The following ZNF616 variants were observed in gnomAD, a reference collection of about 807,000 sequenced individuals.
ZNF616 encodes zinc finger protein 616.
In ZNF616, 5 loss-of-function variants were observed where a neutral mutation model predicts 7.6. The observed-to-expected ratio is 0.66, with a 90% CI of 0.34 to 1.38. The LOEUF (loss-of-function observed/expected upper bound fraction) is 1.38. ZNF616 is among the 40% of genes most tolerant of loss of function. The pLI, the probability that ZNF616 is intolerant of heterozygous loss-of-function variation, is 0.04. For missense variants in ZNF616, 913 were observed against 948.3 expected (o/e 0.96, Z 0.49); for synonymous variants, 319 against 317.2 (o/e 1.01, Z -0.06).
At chr19:52,136,996 G>A (rs1160827764) in intron 1 of ZNF616, among the ~76,000 whole-genome samples, 1 of 150,690 alleles carries the variant, frequency 6.6e-6, no homozygotes, top group African/African-American at 2.5e-5. Flanking sequence ...CAACCAAAGT[G>A]CCCATCCAGG....
At chr19:52,132,203 G>C (rs117809591) in intron 1 of ZNF616, among the ~76,000 whole-genome samples, 1 of 152,244 alleles carries the variant, frequency 6.6e-6, no homozygotes, top group East Asian at 1.9e-4. Context: ...TGTAAAGCTA[G>C]AGCCAGGAAG....
At position 52,114,560 on chromosome 19, in the gene ZNF616, A is replaced by C; in HGVS notation, c.*258T>G. ...TATTTCACATGGTGAGAATGAGGGC[A>C]AGCGACAGGGAAGTGCTATGCACTT... On this transcript the variant is annotated 3_prime_UTR_variant, in exon 4 of 4. Transcript: ENST00000600228. The C allele has an allele frequency of 2.7e-6, 1 of 367,984 alleles. No homozygotes were observed. The highest frequency in any genetic ancestry group is 4.9e-6 in the Non-Finnish European group (1 of 205,092). The allele number at this position is 367,984 out of a possible 1,614,324, so 22.8% of individuals were successfully genotyped here.
At position 52,116,104 on chromosome 19, in the gene ZNF616, T is replaced by C. The variant is rs1219625752; in HGVS notation, c.1060A>G (p.Lys354Glu). 6.2e-7 allele frequency: 1 copy of C among 1,613,344 alleles called. No homozygotes were observed. The highest frequency in any genetic ancestry group is 2.2e-5 in the East Asian group (1 of 44,808). ...QVIHAGKKPYKCDVCGKAFRH... is the reference protein window; with the variant it reads ...QVIHAGKKPYECDVCGKAFRH... ...AATGCCTTGCCACATACATCACATT[T>C]ATATGGTTTCTTTCCTGCATGGATT... Residue 354 changes from lysine (K) to glutamate (E), a missense_variant, in exon 4 of 4, where the codon AAA becomes GAA. Coordinates refer to ENST00000600228, the MANE Select transcript of ZNF616 (RefSeq NM_178523.5).
At chr19:52,131,398 C>G (rs1158777941) in intron 1 of ZNF616, among the ~76,000 whole-genome samples, 1 of 151,872 alleles carries the variant, frequency 6.6e-6, no homozygotes, top group Non-Finnish European at 1.5e-5. Context: ...CCTTGGCACT[C>G]TAGTGTGAAG....
chr19:52,124,310 T>TA (rs1436307586), intron 2 of ZNF616, among the ~76,000 whole-genome samples: 1 of 152,208 alleles, frequency 6.6e-6, no homozygotes, highest in Non-Finnish European at 1.5e-5. Flanking sequence ...GGTTATCCCT[T>TA]AAAAAGTGTT....
rs758523199 is a variant in ZNF616 at position 52,114,919 on chromosome 19, C to G, written c.2245G>C (p.Glu749Gln). Residue 749 changes from glutamate (E) to glutamine (Q), a missense_variant, in exon 4 of 4, where the codon GAG (glutamate) becomes CAG (glutamine). Physicochemically the swap from Glu to Gln is conservative, Grantham distance 29 (BLOSUM62 2). Coordinates refer to ENST00000600228, the MANE Select transcript of ZNF616 (RefSeq NM_178523.5). ...HSGKKPYKCN[E>Q]CGKSFICRSG... ...CGACAAATAAAAGATTTCCCACACTCATTACATTTATAAGGTTTTTTGCCA... is the reference window on the plus strand; with the variant it reads ...CGACAAATAAAAGATTTCCCACACTGATTACATTTATAAGGTTTTTTGCCA... 6.2e-7 allele frequency: 1 copy of G among 1,614,140 alleles called. No homozygotes were observed. The highest frequency in any genetic ancestry group is 1.1e-5 in the South Asian group (1 of 91,080).
In ZNF616 at chr19:52,115,720, C is replaced by A. The variant is rs2088814325; in HGVS notation, c.1444G>T (p.Ala482Ser). The A allele has an allele frequency of 6.2e-7, 1 of 1,613,928 alleles. No individual in the cohort carries two copies. Among genetic ancestry groups the A allele is most frequent in the South Asian group, 1.1e-5 (1 of 91,062 alleles). ...KVFSIHSRLA[A>S]HQRIHTGEKP... ...TCTCCAGTATGAATTCTCTGATGAG[C>A]TGCAAGTCGTGAATGTATGCTGAAA... The change falls in exon 4 of 4, where the codon GCT becomes TCT. Residue 482 changes from alanine to serine, a missense_variant. Physicochemically the swap from Ala to Ser is moderately conservative, Grantham distance 99. Transcript: ENST00000600228.
At position 52,130,420 on chromosome 19, in the gene ZNF616, C is replaced by T. The variant is rs192515126; in HGVS notation, c.12+81G>A. The T allele has an allele frequency of 7.0e-5, 91 of 1,298,402 alleles. No homozygotes were observed. In the East Asian group the frequency reaches 1.2e-3, roughly 16 times the overall value. 80.4% of individuals were successfully genotyped at this position (1,298,402 alleles called of 1,614,324 possible). A position where few individuals can be genotyped will look rare whatever the true frequency, so the allele number is the denominator to read the frequency against. On this transcript the variant is annotated intron_variant, in intron 2 of 3. Coordinates refer to ENST00000600228, the MANE Select transcript of ZNF616 (RefSeq NM_178523.5). ...CAGACTCAGAGAAGATTTGCAACTC[C>T]GACGCCCTGTACTTCACAAAGGAAG...
rs1166595020 is a variant in ZNF616 at position 52,139,592 on chromosome 19, C to A, written c.-77+140G>T. ...GACTTGACTTCGCCCGGGGCCGAAGCAGGGGTCAATGAGAGTTTTAAGCAG... is the reference window on the plus strand; with the variant it reads ...GACTTGACTTCGCCCGGGGCCGAAGAAGGGGTCAATGAGAGTTTTAAGCAG... On this transcript the variant is annotated intron_variant, in intron 1 of 3. Coordinates refer to ENST00000600228, the MANE Select transcript of ZNF616 (RefSeq NM_178523.5). This position sits in a 1 kb window ranked among gnomAD's most constrained non-coding sequence, Gnocchi z 4.1. 2 of 152,172 alleles carry A rather than the reference C, an allele frequency of 1.3e-5. No individual in the cohort carries two copies. Among genetic ancestry groups the A allele is most frequent in the Non-Finnish European group, 2.9e-5 (2 of 68,080 alleles). 9.4% of individuals were successfully genotyped at this position (152,172 alleles called of 1,614,324 possible). A position where few individuals can be genotyped will look rare whatever the true frequency, so the allele number is the denominator to read the frequency against.
chr19:52,126,128 A>G (rs893170256), intron 2 of ZNF616, among the ~76,000 whole-genome samples: 6 of 152,210 alleles, frequency 3.9e-5, no homozygotes, highest in Admixed American at 3.3e-4. Flanking sequence ...AAGACAATAA[A>G]ACATACAAAG....
rs751461818 is a variant in ZNF616, at chr19:52,116,088, C to A, written c.1076G>T (p.Gly359Val). The A allele has an allele frequency of 6.2e-7, 1 of 1,614,170 alleles. No homozygotes were observed. The highest frequency in any genetic ancestry group is 2.2e-5 in the East Asian group (1 of 44,880). The change falls in exon 4 of 4, where the codon GGC becomes GTC. Residue 359 changes from glycine to valine, a missense_variant. Transcript: ENST00000600228. The part of the protein sequence containing the change: ...GKKPYKCDVC[G>V]KAFRHRSNLV... ...ATTTGATCTATGTCTGAATGCCTTG[C>A]CACATACATCACATTTATATGGTTT... is the stretch of plus-strand genomic sequence containing the variant.
Position 52,113,618 on chromosome 19 carries a change from A to C in ZNF616, c.*1200T>G, listed in dbSNP as rs1429494829. 7 of 151,500 alleles carry C rather than the reference A, an allele frequency of 4.6e-5. No individual in the cohort carries two copies. The highest frequency in any genetic ancestry group is 1.3e-4 in the Admixed American group (2 of 15,192). The allele number at this position is 151,500 out of a possible 1,614,324, so 9.4% of individuals were successfully genotyped here. A position where few individuals can be genotyped will look rare whatever the true frequency, so the allele number is the denominator to read the frequency against. On this transcript the variant is annotated 3_prime_UTR_variant, in exon 4 of 4. Transcript: ENST00000600228. ...GATGCTCCACTTCCCTGCCCTTCCC[A>C]CCCCCATCAGCAGGCCCCAGTGTGT...
intron 1 of ZNF616, among the ~76,000 whole-genome samples, chr19:52,133,939 T>A (rs113955152): frequency 6.6e-6 from 1 of 152,170 alleles, no homozygotes; most frequent in Non-Finnish European, 1.5e-5. Context: ...TGTTTTCTCA[T>A]CATTTACCTC....
In ZNF616 at chr19:52,115,660, A is replaced by G; in HGVS notation, c.1504T>C (p.Phe502Leu). 1 of 1,614,184 alleles carries G rather than the reference A, an allele frequency of 6.2e-7. No homozygotes were observed. The highest frequency in any genetic ancestry group is 1.3e-5 in the African/African-American group (1 of 75,048). Residue 502 changes from phenylalanine to leucine, a missense_variant, in exon 4 of 4, where the codon TTC becomes CTC. Transcript: ENST00000600228. ...ACTGCAAGACGTGAATGTTGACTGA[A>G]GACCTTGCCACATTCATTGCATTTG... ...PYKCNECGKV[F>L]SQHSRLAVHR...
At chr19:52,131,365 G>T (rs918217520) in intron 1 of ZNF616, among the ~76,000 whole-genome samples, 2 of 151,990 alleles carry the variant, frequency 1.3e-5, no homozygotes, top group Admixed American at 1.3e-4. Context: ...CTATAAGGGG[G>T]AATGAACCAT....
In ZNF616 at chr19:52,116,593, C is replaced by G. The variant is rs1224318760; in HGVS notation, c.571G>C (p.Gly191Arg). The G allele has an allele frequency of 6.2e-7, 1 of 1,614,060 alleles. No individual in the cohort carries two copies. The change falls in exon 4 of 4, where the codon GGC becomes CGC. Residue 191 changes from glycine to arginine, a missense_variant. Transcript: ENST00000600228. ...CTGGAAGACGCTTTAAAGGCTTTGC[C>G]ACATTCATTACATACATACGTTTTT... Reference protein sequence around the residue: ...REKTYVCNECGKAFKASSSLI... With the variant: ...REKTYVCNECRKAFKASSSLI...
chr19:52,127,328 T>A (rs2088918382), intron 2 of ZNF616, among the ~76,000 whole-genome samples: 1 of 152,212 alleles, frequency 6.6e-6, no homozygotes. Context: ...GTGCCTGGAT[T>A]ACAGGTGTGA....
intron 1 of ZNF616, among the ~76,000 whole-genome samples, chr19:52,136,375 G>A (rs1300633241): frequency 2.6e-5 from 4 of 151,984 alleles, no homozygotes; most frequent in East Asian, 3.9e-4. Context: ...CAGGTGCTTC[G>A]GAGGATGAGG....
chr19:52,137,194 G>A (rs2089018639), intron 1 of ZNF616, among the ~76,000 whole-genome samples: 2 of 151,652 alleles, frequency 1.3e-5, no homozygotes, highest in South Asian at 2.1e-4. Context: ...CGAGGCGGGT[G>A]GATCATGAGG....
Sources: allele counts gnomAD v4.1 joint callset (sites outside exome capture counted in the v4.1 genomes callset), GRCh38; gene constraint gnomAD v4.1.1; non-coding constraint Gnocchi (gnomAD v3.1); transcripts MANE v1.5; gene names NCBI Gene and HGNC (gene_info 2026-07-23, HGNC 2026-07-21).